SPAG16: variants seen among roughly 807,000 people sequenced by gnomAD.
The protein encoded by SPAG16 is sperm-associated antigen 16 protein.
In SPAG16, 86 loss-of-function variants were observed where a neutral mutation model predicts 80.4. That is an observed-to-expected ratio of 1.07 (90% CI 0.90 to 1.28). The LOEUF is 1.28. Among genes scored for constraint, SPAG16 ranks in the 50% most tolerant of loss-of-function variants. The pLI, the probability that SPAG16 is intolerant of heterozygous loss-of-function variation, is 0.00. For missense variants in SPAG16, 870 were observed against 765.3 expected (o/e 1.14, Z -1.61); for synonymous variants, 294 against 265.9 (o/e 1.11, Z -1.03).
intron 15 of SPAG16, among the ~76,000 whole-genome samples, chr2:214,293,643 G>A (rs1024421705): frequency 1.3e-5 from 2 of 152,208 alleles, no homozygotes; most frequent in Non-Finnish European, 2.9e-5. Context: ...GGAGGCTGGG[G>A]CCACTCTCAT....
At chr2:213,296,973 G>C (rs1345690235) in intron 2 of SPAG16, 2 of 970,440 alleles carry the variant, frequency 2.1e-6, no homozygotes, top group Non-Finnish European at 2.7e-6. Flanking sequence ...TATTTAGATA[G>C]CCTTATTATT....
chr2:214,242,199 A>G (rs1287010368), intron 15 of SPAG16, among the ~76,000 whole-genome samples: 1 of 152,162 alleles, frequency 6.6e-6, no homozygotes, highest in African/African-American at 2.4e-5. Context: ...ACATCAGCCA[A>G]TCATCTTGTA....
At chr2:214,236,963 T>C (rs1210015447) in intron 15 of SPAG16, among the ~76,000 whole-genome samples, 1 of 152,186 alleles carries the variant, frequency 6.6e-6, no homozygotes, top group Non-Finnish European at 1.5e-5. Context: ...ATGGAACGCA[T>C]TCTCCCCAGA....
intron 9 of SPAG16, among the ~76,000 whole-genome samples, chr2:213,472,627 G>A (rs2073142261): frequency 6.6e-6 from 1 of 152,162 alleles, no homozygotes; most frequent in South Asian, 2.1e-4. Context: ...CTGTCAGAGA[G>A]CCAATGTGAG....
intron 8 of SPAG16, among the ~76,000 whole-genome samples, chr2:213,371,692 G>A (rs1327499303): frequency 1.1e-5 from 1 of 90,188 alleles, no homozygotes; most frequent in Admixed American, 1.5e-4. Flanking sequence ...TCTAAACTTT[G>A]GGAAGAAGAC....
chr2:213,837,782 C>A (rs887682692), intron 10 of SPAG16, among the ~76,000 whole-genome samples: 1 of 151,918 alleles, frequency 6.6e-6, no homozygotes, highest in African/African-American at 2.4e-5. Context: ...CTGAGTAAAC[C>A]CAATGTAATC....
At chr2:213,437,510 A>T (rs13006572) in intron 9 of SPAG16, among the ~76,000 whole-genome samples, 2 of 152,026 alleles carry the variant, frequency 1.3e-5, no homozygotes, top group Admixed American at 6.6e-5. Flanking sequence ...TTTTGCCTCT[A>T]AATTTTGTAA....
intron 10 of SPAG16, among the ~76,000 whole-genome samples, chr2:213,796,350 C>T (rs1460844776): frequency 4.6e-5 from 7 of 152,122 alleles, no homozygotes; most frequent in Non-Finnish European, 8.8e-5. Flanking sequence ...TACTTTCTAT[C>T]TCTCTATATT....
chr2:213,910,105 T>C (rs1014474668), intron 11 of SPAG16, among the ~76,000 whole-genome samples: 1 of 152,242 alleles, frequency 6.6e-6, no homozygotes, highest in Non-Finnish European at 1.5e-5. Context: ...TTTGGTTGTA[T>C]GTAATTCTGC....
chr2:214,210,514 A>G (rs1160889799), intron 15 of SPAG16, among the ~76,000 whole-genome samples: 2 of 151,638 alleles, frequency 1.3e-5, no homozygotes, highest in Non-Finnish European at 2.9e-5. Context: ...TTATGTGTGG[A>G]TTTTCTATTT....
chr2:213,819,940 TG>T (rs1187578646), intron 10 of SPAG16, among the ~76,000 whole-genome samples: 1,283 of 103,920 alleles, frequency 0.012, 24 homozygotes, highest in African/African-American at 0.033. Flanking sequence ...TAATTTTTCG[TG>T]TTTTTTTTTT....
intron 13 of SPAG16, among the ~76,000 whole-genome samples, chr2:214,043,947 A>G (rs1435327560): frequency 1.3e-5 from 2 of 152,116 alleles, no homozygotes; most frequent in Non-Finnish European, 2.9e-5. Context: ...AGTAAATCAA[A>G]GTTCTATATC....
intron 12 of SPAG16, among the ~76,000 whole-genome samples, chr2:213,983,350 G>GAAT (rs1210565472): frequency 1.3e-5 from 2 of 151,620 alleles, no homozygotes; most frequent in East Asian, 1.9e-4. Flanking sequence ...TTGTTTTTCA[G>GAAT]AATAATAATA....
At chr2:213,863,410 A>G (rs1250779879) in intron 11 of SPAG16, among the ~76,000 whole-genome samples, 1 of 152,062 alleles carries the variant, frequency 6.6e-6, no homozygotes, top group Non-Finnish European at 1.5e-5. Flanking sequence ...CCTTTTTTAA[A>G]TCAGTTTTTA....
intron 7 of SPAG16, among the ~76,000 whole-genome samples, chr2:213,356,726 G>C (rs960014691): frequency 1.3e-5 from 2 of 152,014 alleles, no homozygotes; most frequent in African/African-American, 4.8e-5. Context: ...TTTTTGAAGG[G>C]TGTTTTTGTG....
At chr2:213,607,679 G>A (rs1022127967) in intron 10 of SPAG16, among the ~76,000 whole-genome samples, 5 of 152,198 alleles carry the variant, frequency 3.3e-5, no homozygotes, top group African/African-American at 1.2e-4. Flanking sequence ...TCTGTCTAAT[G>A]TGAGTTATCT....
chr2:213,519,043 G>C (rs970253494), intron 10 of SPAG16, among the ~76,000 whole-genome samples: 3 of 152,092 alleles, frequency 2.0e-5, no homozygotes, highest in Non-Finnish European at 2.9e-5. Flanking sequence ...ACGTAAACTT[G>C]GGAATAACAG....
At chr2:213,668,838 C>T (rs928196526) in intron 10 of SPAG16, among the ~76,000 whole-genome samples, 9 of 151,928 alleles carry the variant, frequency 5.9e-5, no homozygotes, top group East Asian at 1.9e-4. Context: ...TTAGTAAAGA[C>T]GGGGTTTCAC....
At chr2:214,147,695 C>T (rs2055730979) in intron 14 of SPAG16, among the ~76,000 whole-genome samples, 1 of 152,142 alleles carries the variant, frequency 6.6e-6, no homozygotes, top group South Asian at 2.1e-4. Flanking sequence ...TGAGGGCATT[C>T]CAAGTTCTCC....
Sources: gnomAD v4.1 joint callset for allele counts (sites outside exome capture counted in the v4.1 genomes callset) on GRCh38, gnomAD v4.1.1 for gene constraint, MANE v1.5 for transcripts, NCBI Gene and HGNC (gene_info 2026-07-23, HGNC 2026-07-21) for gene names.